The following ARB2A variants were observed in gnomAD, a reference collection of about 807,000 sequenced individuals.
The protein encoded by ARB2A is cotranscriptional regulator ARB2A.
At chr5:93,617,843 CTG>C in the ARB2A span, among the ~76,000 whole-genome samples, 1 of 152,132 alleles carries the variant, frequency 6.6e-6, no homozygotes, top group Non-Finnish European at 1.5e-5. Context: ...TTAAAAACAA[CTG>C]TCTTAGAAAT....
At chr5:93,946,858 C>A in the ARB2A span, among the ~76,000 whole-genome samples, 1 of 152,086 alleles carries the variant, frequency 6.6e-6, no homozygotes, top group Non-Finnish European at 1.5e-5. Flanking sequence ...ACTTCTTCAA[C>A]AACATGATTT....
At chr5:94,066,591 G>T in the ARB2A span, among the ~76,000 whole-genome samples, 1 of 152,062 alleles carries the variant, frequency 6.6e-6, no homozygotes, top group Non-Finnish European at 1.5e-5. Context: ...CCTACAGGAA[G>T]TGAATAAATT....
chr5:93,883,871 C>A, the ARB2A span, among the ~76,000 whole-genome samples: 62 of 149,828 alleles, frequency 4.1e-4, no homozygotes, highest in African/African-American at 1.5e-3. Flanking sequence ...TTCTTCCTTG[C>A]CTTCTCTGAG....
chr5:94,051,305 A>G, the ARB2A span, among the ~76,000 whole-genome samples: 1 of 152,224 alleles, frequency 6.6e-6, no homozygotes, highest in Non-Finnish European at 1.5e-5. Flanking sequence ...TTTTGGAAAC[A>G]TGAAAACTAT....
chr5:93,797,258 C>G, the ARB2A span, among the ~76,000 whole-genome samples: 1 of 152,082 alleles, frequency 6.6e-6, no homozygotes, highest in African/African-American at 2.4e-5. Context: ...ATTCTCTAGG[C>G]TACTTTAAAA....
the ARB2A span, among the ~76,000 whole-genome samples, chr5:93,706,695 G>A: frequency 6.6e-6 from 1 of 151,986 alleles, no homozygotes; most frequent in Admixed American, 6.6e-5. Flanking sequence ...GTGAAATCCC[G>A]TGTCTACTAA....
At chr5:93,648,445 A>C in the ARB2A span, among the ~76,000 whole-genome samples, 2 of 152,220 alleles carry the variant, frequency 1.3e-5, no homozygotes, top group African/African-American at 2.4e-5. Context: ...GGAAAGAAGG[A>C]AATTCCCTGC....
the ARB2A span, among the ~76,000 whole-genome samples, chr5:93,693,332 A>G: frequency 0.98 from 149,731 of 152,230 alleles, 73,635 homozygotes; most frequent in East Asian, 1. Flanking sequence ...AGAGAAGTAT[A>G]AAGAATCAAA....
the ARB2A span, among the ~76,000 whole-genome samples, chr5:93,718,351 A>C: frequency 6.6e-6 from 1 of 152,026 alleles, no homozygotes; most frequent in Non-Finnish European, 1.5e-5. Context: ...AGGCAGGAGA[A>C]TGGCGTGAAC....
At chr5:93,786,668 T>C in the ARB2A span, among the ~76,000 whole-genome samples, 1 of 152,212 alleles carries the variant, frequency 6.6e-6, no homozygotes, top group Non-Finnish European at 1.5e-5. Flanking sequence ...CTCTGTTCCA[T>C]CCTTGCTGCA....
the ARB2A span, among the ~76,000 whole-genome samples, chr5:93,750,793 A>G: frequency 6.6e-6 from 1 of 152,070 alleles, no homozygotes; most frequent in Non-Finnish European, 1.5e-5. Context: ...CCGAAGTGCT[A>G]TGATAACAGG....
At chr5:93,776,283 A>G in the ARB2A span, 3 of 1,530,524 alleles carry the variant, frequency 2.0e-6, no homozygotes, top group South Asian at 2.5e-5. Flanking sequence ...AATACAATTT[A>G]AGCCAAGATG....
chr5:94,108,054 C>G, the ARB2A span, among the ~76,000 whole-genome samples: 3 of 152,110 alleles, frequency 2.0e-5, no homozygotes, highest in Admixed American at 2.0e-4. Flanking sequence ...CTAGTGAAAT[C>G]AAACTGCTAC....
chr5:94,107,068 G>A, the ARB2A span, among the ~76,000 whole-genome samples: 1 of 151,642 alleles, frequency 6.6e-6, no homozygotes, highest in African/African-American at 2.4e-5. Context: ...AATAAAAGTT[G>A]GAAAGGAATA....
chr5:94,015,070 C>T, the ARB2A span, among the ~76,000 whole-genome samples: 8 of 151,758 alleles, frequency 5.3e-5, no homozygotes, highest in Admixed American at 6.6e-5. Context: ...CAGACTTGAC[C>T]GAAATAGGAG....
At chr5:93,744,247 C>G in the ARB2A span, among the ~76,000 whole-genome samples, 2 of 151,458 alleles carry the variant, frequency 1.3e-5, no homozygotes, top group Non-Finnish European at 2.9e-5. Context: ...CCAGCCTGAC[C>G]AATCTGGTGA....
At chr5:93,890,462 C>A in the ARB2A span, among the ~76,000 whole-genome samples, 1 of 151,746 alleles carries the variant, frequency 6.6e-6, no homozygotes, top group East Asian at 1.9e-4. Flanking sequence ...ACAATTTTGA[C>A]ATGTGGTCTT....
chr5:93,992,802 G>T, the ARB2A span, among the ~76,000 whole-genome samples: 1 of 151,986 alleles, frequency 6.6e-6, no homozygotes, highest in Non-Finnish European at 1.5e-5. Context: ...TATATCAAAA[G>T]AATGGTAATT....
At chr5:93,872,460 C>A in the ARB2A span, among the ~76,000 whole-genome samples, 1 of 152,134 alleles carries the variant, frequency 6.6e-6, no homozygotes, top group Admixed American at 6.5e-5. Flanking sequence ...CAGACCCCCA[C>A]CACCCTAACT....
Sources: allele counts gnomAD v4.1 joint callset (sites outside exome capture counted in the v4.1 genomes callset), GRCh38; gene constraint gnomAD v4.1.1; transcripts MANE v1.5; gene names NCBI Gene and HGNC (gene_info 2026-07-23, HGNC 2026-07-21).